The following ARHGEF18 variants were observed in gnomAD, a reference collection of about 807,000 sequenced individuals.
ARHGEF18 encodes Rho/Rac guanine nucleotide exchange factor 18.
ARHGEF18 carries 93 observed loss-of-function variants against 155.7 expected under a neutral mutation model. The observed-to-expected ratio is 0.60, with a 90% confidence interval of 0.50 to 0.71. The LOEUF is 0.71. Among genes scored for constraint, ARHGEF18 ranks in the 30% least tolerant of loss-of-function variants. The pLI is 0.00. For synonymous variants in ARHGEF18, 742 were observed against 753.1 expected, an observed-to-expected ratio of 0.99 and a Z score of 0.24; for missense variants, 1,593 against 1,816.1, an observed-to-expected ratio of 0.88 and a Z score of 2.23.
chr19:7,465,220 C>A (rs1249633560), intron 23 of ARHGEF18, among the ~76,000 whole-genome samples: 1 of 152,150 alleles, frequency 6.6e-6, no homozygotes, highest in South Asian at 2.1e-4. Flanking sequence ...CCCAGCCCCT[C>A]GTTTTCCAAA....
intron 1 of ARHGEF18, among the ~76,000 whole-genome samples, chr19:7,357,260 T>A (rs1024985612): frequency 6.6e-6 from 1 of 152,178 alleles, no homozygotes; most frequent in Non-Finnish European, 1.5e-5. Flanking sequence ...TGGATGGCGA[T>A]CCTGAAGAAT....
intron 2 of ARHGEF18, among the ~76,000 whole-genome samples, chr19:7,367,879 TATATTTTATATATA>T (rs1367325340): frequency 5.1e-5 from 2 of 39,596 alleles, no homozygotes; most frequent in African/African-American, 4.2e-4. Context: ...TTTATATATA[TATATTTTATATATA>T]TTTTTTATAT....
intron 10 of ARHGEF18, among the ~76,000 whole-genome samples, chr19:7,422,372 G>T: frequency 7.1e-6 from 1 of 140,026 alleles, no homozygotes; most frequent in South Asian, 2.6e-4. Flanking sequence ...GCCCCGCGCA[G>T]CCTTCTGTCC....
chr19:7,462,363 G>A lies in ARHGEF18; in HGVS notation c.2635+29G>A. On this transcript the variant is annotated intron_variant, in intron 21 of 28. Transcript: ENST00000668164. This position sits in a 1 kb window ranked among gnomAD's most constrained non-coding sequence, Gnocchi z 4.4. ...AGTTGGCTGCCCACACCTCAAGGGT[G>A]CAGTCTTGCCGGGGTGGGCTCCTCA... is the stretch of plus-strand genomic sequence containing the variant. The A allele has an allele frequency of 6.5e-7, 1 of 1,549,320 alleles. No homozygotes were observed.
intron 10 of ARHGEF18, chr19:7,439,576 C>T: frequency 4.6e-6 from 3 of 648,362 alleles, no homozygotes; most frequent in South Asian, 6.1e-5. Context: ...CAGCGGTTTG[C>T]AGCCCCTGTT....
intron 23 of ARHGEF18, 114 bp from the exon 24 acceptor site, chr19:7,466,804 C>CA (rs965666634): frequency 0.14 from 70,278 of 487,066 alleles, 648 homozygotes; most frequent in African/African-American, 0.19. Context: ...AATTCCGTCT[C>CA]AAAAAAAAAA....
chr19:7,436,807 C>T (rs139862665), intron 10 of ARHGEF18, among the ~76,000 whole-genome samples: 6 of 152,170 alleles, frequency 3.9e-5, no homozygotes, highest in African/African-American at 9.6e-5. Flanking sequence ...TGTCCTGGAC[C>T]GTGTCGCCTT....
At position 7,355,698 on chromosome 19, in the gene ARHGEF18, A is replaced by G. The variant is rs986214679; in HGVS notation, c.-111+6457A>G. Reference sequence around the variant, plus strand: ...CTGTGGCTGAAGCGGTGGGCCTTCAAGAGAGGTAAGCAGCTGGCAGTGACC... The same window carrying G: ...CTGTGGCTGAAGCGGTGGGCCTTCAGGAGAGGTAAGCAGCTGGCAGTGACC... On this transcript the variant is annotated intron_variant, in intron 1 of 28. Coordinates refer to ENST00000668164, the MANE Select transcript of ARHGEF18 (RefSeq NM_001367823.1). 4 of 985,440 alleles carry G rather than the reference A, an allele frequency of 4.1e-6. No homozygotes were observed. The Admixed American group carries it at 1.8e-4, about 45-fold the overall frequency. 61.0% of individuals were successfully genotyped at this position (985,440 alleles called of 1,614,324 possible).
At chr19:7,362,046 G>GAA (rs1969597441) in intron 1 of ARHGEF18, among the ~76,000 whole-genome samples, 1 of 39,806 alleles carries the variant, frequency 2.5e-5, no homozygotes, top group South Asian at 9.2e-4. Flanking sequence ...AGAAGGAGAA[G>GAA]GAGAAGGAGA....
intron 10 of ARHGEF18, among the ~76,000 whole-genome samples, chr19:7,416,201 C>G (rs1405958847): frequency 6.6e-6 from 1 of 151,848 alleles, no homozygotes; most frequent in African/African-American, 2.4e-5. Context: ...AGTTTGAGAC[C>G]AGCCAGCCTG....
intron 1 of ARHGEF18, among the ~76,000 whole-genome samples, chr19:7,358,847 T>G (rs1969431282): frequency 6.6e-6 from 1 of 152,204 alleles, no homozygotes; most frequent in Admixed American, 6.5e-5. Context: ...GGCTTAGCAC[T>G]AAGCCAGACA....
At chr19:7,366,008 C>A (rs1969872259) in intron 2 of ARHGEF18, among the ~76,000 whole-genome samples, 2 of 152,148 alleles carry the variant, frequency 1.3e-5, no homozygotes, top group South Asian at 2.1e-4. Flanking sequence ...TGCAGTGGCA[C>A]AATCTCGGCT....
chr19:7,426,160 CAG>C (rs1457571146), intron 10 of ARHGEF18, among the ~76,000 whole-genome samples: 1 of 152,036 alleles, frequency 6.6e-6, no homozygotes, highest in Non-Finnish European at 1.5e-5. Flanking sequence ...ACCTGGTCAA[CAG>C]AGCAAGACCC....
Position 7,448,609 on chromosome 19 carries a change from T to C in ARHGEF18, c.1737+1441T>C, listed in dbSNP as rs1600480808. Reference sequence around the variant, plus strand: ...CCGGGAGGCGGAGCGTGCAGTGAGCTGAGATCGCACCACTGCACTCCAGCC... The same window carrying C: ...CCGGGAGGCGGAGCGTGCAGTGAGCCGAGATCGCACCACTGCACTCCAGCC... On this transcript the variant is annotated intron_variant, in intron 15 of 28. Coordinates refer to ENST00000668164, the MANE Select transcript of ARHGEF18 (RefSeq NM_001367823.1). Among the ~76,000 whole-genome samples the C allele has an allele frequency of 4.6e-5, 7 of 150,682 alleles. 1 individual carries two copies. Among genetic ancestry groups the C allele is most frequent in the Admixed American group, 3.3e-4 (5 of 15,102 alleles).
chr19:7,409,057 CTTTT>C (rs1013156166), intron 10 of ARHGEF18, among the ~76,000 whole-genome samples: 2 of 115,534 alleles, frequency 1.7e-5, no homozygotes, highest in South Asian at 2.8e-4. Context: ...GACCCTGTTT[CTTTT>C]TTTTTTTTTT....
chr19:7,405,849 TG>T (rs1972274249), intron 10 of ARHGEF18, among the ~76,000 whole-genome samples: 2 of 145,990 alleles, frequency 1.4e-5, no homozygotes. Context: ...CTTAAACTCT[TG>T]GGCTCAAGGG....
intron 10 of ARHGEF18, among the ~76,000 whole-genome samples, chr19:7,437,270 A>T (rs1367855345): frequency 2.6e-5 from 4 of 152,114 alleles, no homozygotes; most frequent in African/African-American, 9.7e-5. Flanking sequence ...CTCTACTAAA[A>T]ATACAAAATT....
chr19:7,443,344 C>T (rs1974788927), intron 13 of ARHGEF18, among the ~76,000 whole-genome samples: 1 of 152,112 alleles, frequency 6.6e-6, no homozygotes, highest in Non-Finnish European at 1.5e-5. Context: ...CGTCAGCCAC[C>T]ATGCCCGGCC....
rs768741771 is a variant in ARHGEF18 at position 7,459,913 on chromosome 19, G to A, written c.2371G>A (p.Glu791Lys). 3.2e-6 allele frequency: 5 copies of A among 1,579,200 alleles called. No individual in the cohort carries two copies. The highest frequency in any genetic ancestry group is 3.6e-5 in the Admixed American group (2 of 55,306). The change falls in exon 20 of 29, where the codon GAG becomes AAG. Residue 791 changes from glutamate to lysine, a missense_variant. Transcript: ENST00000668164. ...CTCCTCTCCCTGCAGCTGCCCTGACGAGGAGGAGGGGCCCTTCAGCCTGCC... is the reference window on the plus strand; with the variant it reads ...CTCCTCTCCCTGCAGCTGCCCTGACAAGGAGGAGGGGCCCTTCAGCCTGCC... The part of the protein sequence containing the change: ...IQRAVESCPD[E>K]EEGPFSLPEE...
Sources: allele counts gnomAD v4.1 joint callset (sites outside exome capture counted in the v4.1 genomes callset), GRCh38; gene constraint gnomAD v4.1.1; non-coding constraint Gnocchi (gnomAD v3.1); transcripts MANE v1.5; gene names NCBI Gene and HGNC (gene_info 2026-07-23, HGNC 2026-07-21).